SLC24A3: variants seen among roughly 807,000 people sequenced by gnomAD.
SLC24A3 encodes the protein sodium/potassium/calcium exchanger 3.
SLC24A3 carries 28 observed loss-of-function variants against 75.8 expected under a neutral mutation model. That is an observed-to-expected ratio of 0.37 (90% confidence interval 0.27 to 0.51). SLC24A3 has a LOEUF of 0.51. SLC24A3 is among the 20% of genes least tolerant of loss of function. SLC24A3 has a pLI of 0.94. For missense variants in SLC24A3, 663 were observed against 847.8 expected, an observed-to-expected ratio of 0.78 and a Z score of 2.71; for synonymous variants, 372 against 334.1, an observed-to-expected ratio of 1.11 and a Z score of -1.24.
In SLC24A3 at chr20:19,681,866, C is replaced by T. The variant is rs749389418; in HGVS notation, c.776C>T (p.Ala259Val). The T allele has an allele frequency of 1.9e-6, 3 of 1,614,040 alleles. No homozygotes were observed. The Admixed American group carries it at 5.0e-5, about 27-fold the overall frequency. The change falls in exon 10 of 17, where the codon GCT becomes GTT. Residue 259 changes from alanine (A) to valine (V), a missense_variant. This residue lies in a region of SLC24A3 where 510 missense variants were observed against 703.6 expected (regional missense o/e 0.72). Coordinates refer to ENST00000328041, the MANE Select transcript of SLC24A3 (RefSeq NM_020689.4). Reference protein sequence around the residue: ...LIYIVIMKYNACIHQCFERRT... With the variant: ...LIYIVIMKYNVCIHQCFERRT... ...CTTGTCGCTTTGCTCAGATATAACG[C>T]TTGCATACATCAGTGCTTTGAGAGG...
At chr20:19,227,394 CT>C (rs57215059) in intron 1 of SLC24A3, among the ~76,000 whole-genome samples, 22,358 of 144,348 alleles carry the variant, frequency 0.15, 2,837 homozygotes, top group East Asian at 0.73. Context: ...CTTGTTCATT[CT>C]TTTTTTTTTT....
chr20:19,565,547 T>C lies in SLC24A3; in HGVS notation c.349-14453T>C, dbSNP rs371128667. 7.2e-5 allele frequency among the ~76,000 whole-genome samples: 11 copies of C among 152,288 alleles called. 2 individuals carry two copies. The highest frequency in any genetic ancestry group is 2.4e-5 in the African/African-American group (1 of 41,568). On this transcript the variant is annotated intron_variant, in intron 3 of 16. Transcript: ENST00000328041. ...GTGTCACCTGGCATCACACCCCTCA[T>C]TGGCTGCTGCTTCTTCCTTGTCTTG... is the stretch of plus-strand genomic sequence containing the variant.
chr20:19,659,499 C>T (rs1357078919), intron 7 of SLC24A3, among the ~76,000 whole-genome samples: 1 of 152,206 alleles, frequency 6.6e-6, no homozygotes, highest in Non-Finnish European at 1.5e-5. Context: ...AACTACACTT[C>T]TTATCTTATT....
At position 19,663,426 on chromosome 20, in the gene SLC24A3, T is replaced by A. The variant is rs113693031; in HGVS notation, c.688-2438T>A. Among the ~76,000 whole-genome samples, 210 of 46,986 alleles carry A rather than the reference T, an allele frequency of 4.5e-3. 2 individuals carry two copies. The highest frequency in any genetic ancestry group is 0.028 in the Middle Eastern group (3 of 106). 30.8% of individuals were successfully genotyped at this position (46,986 alleles called of 152,430 possible). ...CTCCTCCACCTCCTCCTCCTCCTCC[T>A]CCTCCTCCGCCTTCTCATCCTCCTC... On this transcript the variant is annotated intron_variant, in intron 7 of 16. Transcript: ENST00000328041.
chr20:19,254,876 C>T (rs1982766158), intron 1 of SLC24A3, among the ~76,000 whole-genome samples: 1 of 152,234 alleles, frequency 6.6e-6, no homozygotes, highest in Non-Finnish European at 1.5e-5. Context: ...GCACCACTTA[C>T]TAGCTCTGTG....
At chr20:19,685,444 C>T in intron 12 of SLC24A3, 83 bp downstream of exon 12, 1 of 1,541,560 alleles carries the variant, frequency 6.5e-7, no homozygotes, top group South Asian at 1.3e-5. Context: ...TATCTTTTTA[C>T]CATTCAATTT....
chr20:19,399,281 T>TATC (rs913360313), intron 2 of SLC24A3, among the ~76,000 whole-genome samples: 37 of 152,250 alleles, frequency 2.4e-4, no homozygotes, highest in African/African-American at 8.9e-4. Flanking sequence ...TATTATTTTC[T>TATC]ATCTTCTACT....
chr20:19,510,458 G>A (rs73902431), intron 2 of SLC24A3, among the ~76,000 whole-genome samples: 157 of 152,268 alleles, frequency 1.0e-3, no homozygotes, highest in African/African-American at 3.6e-3. Flanking sequence ...GATACCTTGC[G>A]TCTCCTCTTC....
At chr20:19,377,001 C>T (rs1054957329) in intron 2 of SLC24A3, among the ~76,000 whole-genome samples, 1 of 152,220 alleles carries the variant, frequency 6.6e-6, no homozygotes, top group Non-Finnish European at 1.5e-5. Flanking sequence ...CTGTCCATCA[C>T]GTGGCAGTTG....
intron 1 of SLC24A3, among the ~76,000 whole-genome samples, chr20:19,216,139 T>C (rs1981546416): frequency 6.6e-6 from 1 of 152,242 alleles, no homozygotes; most frequent in Non-Finnish European, 1.5e-5. Context: ...GATGAAGATC[T>C]CATTTTTGAT....
intron 7 of SLC24A3, among the ~76,000 whole-genome samples, chr20:19,660,815 T>C (rs1469394202): frequency 6.6e-6 from 1 of 152,192 alleles, no homozygotes; most frequent in African/African-American, 2.4e-5. Flanking sequence ...GCTCTCTTTC[T>C]GGCAAAGTCG....
intron 6 of SLC24A3, among the ~76,000 whole-genome samples, chr20:19,645,083 G>A (rs1008938035): frequency 5.3e-5 from 8 of 152,180 alleles, no homozygotes; most frequent in African/African-American, 1.9e-4. Flanking sequence ...ACTTCAGAGT[G>A]AATGGCTAAC....
intron 1 of SLC24A3, among the ~76,000 whole-genome samples, chr20:19,263,276 A>C (rs1453407807): frequency 6.6e-6 from 1 of 152,170 alleles, no homozygotes; most frequent in Non-Finnish European, 1.5e-5. Flanking sequence ...AAGGAAGCAG[A>C]AAGCCACGCA....
At chr20:19,545,700 C>A (rs2122592359) in intron 3 of SLC24A3, among the ~76,000 whole-genome samples, 1 of 152,290 alleles carries the variant, frequency 6.6e-6, no homozygotes, top group East Asian at 1.9e-4. Flanking sequence ...AGGACTGGGA[C>A]AAAATGCAAT....
At chr20:19,527,813 A>G (rs1824542514) in intron 3 of SLC24A3, among the ~76,000 whole-genome samples, 1 of 152,196 alleles carries the variant, frequency 6.6e-6, no homozygotes, top group Non-Finnish European at 1.5e-5. Flanking sequence ...ATGTTCTCCA[A>G]CTTTTATTAA....
intron 15 of SLC24A3, among the ~76,000 whole-genome samples, chr20:19,706,768 A>G (rs1167919297): frequency 6.6e-6 from 1 of 152,196 alleles, no homozygotes; most frequent in African/African-American, 2.4e-5. Flanking sequence ...AATTCCGTAG[A>G]GAAAGCACTG....
At chr20:19,285,476 TCAAAAAAA>T (rs1983789563) in intron 2 of SLC24A3, among the ~76,000 whole-genome samples, 1 of 26,972 alleles carries the variant, frequency 3.7e-5, no homozygotes, top group African/African-American at 1.5e-4. Context: ...AGACCCTGTC[TCAAAAAAA>T]AAAAAAAAAA....
In SLC24A3 at chr20:19,325,789, TATATATAGAGAG is replaced by T. The variant is rs1365820372; in HGVS notation, c.271+44704_271+44715del. Among the ~76,000 whole-genome samples the T allele has an allele frequency of 6.7e-4, 62 of 92,490 alleles. No homozygotes were observed. The East Asian group carries it at 8.1e-3, about 12-fold the overall frequency. The allele number at this position is 92,490 out of a possible 152,430, so 60.7% of individuals were successfully genotyped here. A position where few individuals can be genotyped will look rare whatever the true frequency, so the allele number is the denominator to read the frequency against. On this transcript the variant is annotated intron_variant, in intron 2 of 16. Coordinates refer to ENST00000328041, the MANE Select transcript of SLC24A3 (RefSeq NM_020689.4). ...ACATATATATATACATATATATATA[TATATATAGAGAG>T]AGAGAGAGAGAGAGAGAGAGAGAGA...
chr20:19,443,868 G>C (rs560554685), intron 2 of SLC24A3, among the ~76,000 whole-genome samples: 4 of 152,100 alleles, frequency 2.6e-5, no homozygotes, highest in South Asian at 4.1e-4. Flanking sequence ...CTTGTTTAAG[G>C]CTTTTCTCTA....
Sources: allele counts gnomAD v4.1 joint callset (sites outside exome capture counted in the v4.1 genomes callset), GRCh38; gene constraint gnomAD v4.1.1; regional missense constraint gnomAD v4.1.1; transcripts MANE v1.5; gene names NCBI Gene and HGNC (gene_info 2026-07-23, HGNC 2026-07-21).